Variants in PTP4A1 observed in about 807,000 individuals in gnomAD.
PTP4A1 encodes the protein protein tyrosine phosphatase type IVA 1.
PTP4A1 carries 9 observed loss-of-function variants against 20.5 expected under a neutral mutation model. That is an observed-to-expected ratio of 0.44 (90% CI 0.26 to 0.77). The LOEUF is 0.77. Among genes scored for constraint, PTP4A1 ranks in the 30% least tolerant of loss-of-function variants. PTP4A1 has a pLI of 0.19. For synonymous variants in PTP4A1, 78 were observed against 67.4 expected, an observed-to-expected ratio of 1.16 and a Z score of -0.77; for missense variants, 137 against 218.8, an observed-to-expected ratio of 0.63 and a Z score of 2.36.
chr6:63,533,824 C>T (rs1775580883), intron 2 of PTP4A1, among the ~76,000 whole-genome samples: 1 of 142,144 alleles, frequency 7.0e-6, no homozygotes, highest in Non-Finnish European at 1.5e-5. Context: ...AATTCCTGAA[C>T]AAACTTTTTT....
At chr6:63,556,192 G>A (rs1013626560) in intron 3 of PTP4A1, among the ~76,000 whole-genome samples, 7 of 151,740 alleles carry the variant, frequency 4.6e-5, no homozygotes, top group African/African-American at 1.5e-4. Context: ...TATTTATTTT[G>A]AGACAGGCTC....
In PTP4A1 at chr6:63,579,458, A is replaced by G. The variant is rs1372810480; in HGVS notation, c.404+127A>G. ...TTTTGAGATAGTATTAAAACCAGGA[A>G]ATCAAGATCTTACATTCTTTTTTGC... On this transcript the variant is annotated intron_variant, in intron 5 of 5. Coordinates refer to ENST00000626021, the MANE Select transcript of PTP4A1 (RefSeq NM_003463.5). The G allele has an allele frequency of 4.9e-6, 3 of 610,960 alleles. No homozygotes were observed. The Admixed American group carries it at 1.2e-4, about 24-fold the overall frequency. 37.8% of individuals were successfully genotyped at this position (610,960 alleles called of 1,614,324 possible). A position where few individuals can be genotyped will look rare whatever the true frequency, so the allele number is the denominator to read the frequency against.
rs562243782 is a variant in PTP4A1 at position 63,575,105 on chromosome 6, G to A, written c.-445-1331G>A. The stretch of plus-strand genomic sequence containing the variant: ...CATAAGAATTATTCTTCAAAATTTA[G>A]CAAAGTTCTAGAAACTATAACTAGC... On this transcript the variant is annotated intron_variant, in intron 1 of 5. Transcript: ENST00000626021. Among the ~76,000 whole-genome samples the A allele has an allele frequency of 6.6e-5, 10 of 152,254 alleles. No individual in the cohort carries two copies. The East Asian group carries it at 9.7e-4, about 15-fold the overall frequency.
chr6:63,578,597 C>A, intron 3 of PTP4A1, 68 bp downstream of exon 3: 1 of 1,535,914 alleles, frequency 6.5e-7, no homozygotes, highest in Non-Finnish European at 8.7e-7. Flanking sequence ...ATAGTAAATT[C>A]AAATAAATAT....
upstream of PTP4A1, among the ~76,000 whole-genome samples, chr6:63,520,308 G>T (rs973590364): frequency 1.3e-5 from 2 of 152,096 alleles, no homozygotes; most frequent in African/African-American, 4.8e-5. Context: ...CATTGCTAAT[G>T]AATAGGAAAA....
At chr6:63,565,300 T>C (rs376442023) in intron 3 of PTP4A1, among the ~76,000 whole-genome samples, 26 of 152,250 alleles carry the variant, frequency 1.7e-4, no homozygotes, top group East Asian at 5.8e-4. Flanking sequence ...GAGTTACTAA[T>C]GTGAATACAC....
intron 2 of PTP4A1, among the ~76,000 whole-genome samples, chr6:63,545,952 A>C (rs1369964833): frequency 1.3e-5 from 2 of 152,244 alleles, no homozygotes; most frequent in East Asian, 3.8e-4. Context: ...AAGAATATCC[A>C]GAAAGTAGTT....
chr6:63,517,810 G>T (rs1186730037), upstream of PTP4A1, among the ~76,000 whole-genome samples: 3 of 152,132 alleles, frequency 2.0e-5, no homozygotes, highest in African/African-American at 7.2e-5. Context: ...TGTCAAAAAT[G>T]TCTCTACTAG....
chr6:63,572,528 G>A lies in PTP4A1; in HGVS notation c.-637G>A. 2.6e-6 allele frequency: 1 copy of A among 391,084 alleles called. No individual in the cohort carries two copies. The highest frequency in any genetic ancestry group is 3.6e-5 in the East Asian group (1 of 27,482). 24.2% of individuals were successfully genotyped at this position (391,084 alleles called of 1,614,324 possible). A position where few individuals can be genotyped will look rare whatever the true frequency, so the allele number is the denominator to read the frequency against. Reference sequence around the variant, plus strand: ...TTCGGCTGCGGGCCGGCTCGGCTACGCGCTCTGCTCCGAGCCGCTCACTGC... The same window carrying A: ...TTCGGCTGCGGGCCGGCTCGGCTACACGCTCTGCTCCGAGCCGCTCACTGC... On this transcript the variant is annotated 5_prime_UTR_variant, in exon 1 of 6. Coordinates refer to ENST00000626021, the MANE Select transcript of PTP4A1 (RefSeq NM_003463.5).
rs192550826 is a variant in PTP4A1, at chr6:63,524,777, T to A, written c.-906+2951T>A. Among the ~76,000 whole-genome samples, 710 of 152,318 alleles carry A rather than the reference T, an allele frequency of 4.7e-3. 8 individuals are homozygous for A. Among genetic ancestry groups the A allele is most frequent in the African/African-American group, 0.016 (671 of 41,578 alleles). On this transcript the variant is annotated intron_variant, in intron 1 of 3. Transcript: ENST00000639568. ...ATCTTCTCACATGAAATTGTATATA[T>A]TATCTCATTCAAAGTTTCTATTTTA...
chr6:63,538,421 A>G (rs191484789), intron 2 of PTP4A1, among the ~76,000 whole-genome samples: 2 of 152,358 alleles, frequency 1.3e-5, no homozygotes, highest in East Asian at 1.9e-4. Context: ...TAAAAGATCA[A>G]TGTTGGATAT....
At chr6:63,542,139 G>C (rs1776007918) in intron 2 of PTP4A1, among the ~76,000 whole-genome samples, 1 of 151,654 alleles carries the variant, frequency 6.6e-6, no homozygotes, top group South Asian at 2.1e-4. Context: ...GGATGACATT[G>C]GAGAATACTA....
In PTP4A1 at chr6:63,538,862, C is replaced by T. The variant is rs992495443; in HGVS notation, c.-640+10778C>T. 6.6e-5 allele frequency among the ~76,000 whole-genome samples: 10 copies of T among 152,018 alleles called. No homozygotes were observed. The South Asian group carries it at 8.3e-4, about 13-fold the overall frequency. ...TGCTGATGATACTAGGTGTGGGAAC[C>T]GCATTTTGAGAAGTAATAATATTTA... On this transcript the variant is annotated intron_variant, in intron 2 of 3. Transcript: ENST00000639568.
intron 2 of PTP4A1, chr6:63,549,430 ACTTT>A: frequency 1.3e-6 from 1 of 753,630 alleles, no homozygotes. Flanking sequence ...GGGATTCACC[ACTTT>A]CTTAACCTCC....
intron 1 of PTP4A1, among the ~76,000 whole-genome samples, chr6:63,573,992 G>A (rs1777680122): frequency 6.6e-6 from 1 of 152,102 alleles, no homozygotes. Flanking sequence ...AATTCTGAGG[G>A]TTTTTTATCT....
chr6:63,581,142 A>AT lies in PTP4A1; in HGVS notation c.*978dup, dbSNP rs376737099. ...CAACTTATTTTTGTTTGAAAGTGTG[A>AT]TTTTTTTTTTCCTTCCCAACCTCTC... On this transcript the variant is annotated 3_prime_UTR_variant, in exon 6 of 6. Transcript: ENST00000626021. 0.011 allele frequency: 1,599 copies of AT among 150,156 alleles called. 8 individuals carry two copies. The highest frequency in any genetic ancestry group is 0.012 in the Non-Finnish European group (788 of 67,264). 9.3% of individuals were successfully genotyped at this position (150,156 alleles called of 1,614,324 possible).
At chr6:63,549,566 G>GT (rs975307539) in intron 2 of PTP4A1, 62,129 of 429,348 alleles carry the variant, frequency 0.14, 10 homozygotes, top group Middle Eastern at 0.18. Context: ...AAGATTTGAA[G>GT]TTTTTTTTTT....
chr6:63,567,226 C>G (rs1430849603), intron 3 of PTP4A1, among the ~76,000 whole-genome samples: 1 of 152,196 alleles, frequency 6.6e-6, no homozygotes, highest in Non-Finnish European at 1.5e-5. Context: ...AGAATCCTTT[C>G]CAGAATGTTT....
At position 63,572,521 on chromosome 6, in the gene PTP4A1, C is replaced by G. The variant is rs1193238639; in HGVS notation, c.-644C>G. ...TGGCTCCTTCGGCTGCGGGCCGGCT[C>G]GGCTACGCGCTCTGCTCCGAGCCGC... On this transcript the variant is annotated 5_prime_UTR_variant, in exon 1 of 6. Transcript: ENST00000626021. 2.6e-6 allele frequency: 1 copy of G among 390,702 alleles called. No individual in the cohort carries two copies. Among genetic ancestry groups the G allele is most frequent in the Non-Finnish European group, 4.5e-6 (1 of 220,944 alleles). 24.2% of individuals were successfully genotyped at this position (390,702 alleles called of 1,614,324 possible). A position where few individuals can be genotyped will look rare whatever the true frequency, so the allele number is the denominator to read the frequency against.
Sources: gnomAD v4.1 joint callset for allele counts (sites outside exome capture counted in the v4.1 genomes callset) on GRCh38, gnomAD v4.1.1 for gene constraint, MANE v1.5 for transcripts, NCBI Gene and HGNC (gene_info 2026-07-23, HGNC 2026-07-21) for gene names.